Variants in YY1AP1 observed in about 807,000 individuals in gnomAD.
The protein encoded by YY1AP1 is YY1-associated protein 1.
In YY1AP1, 43 loss-of-function variants were observed where a neutral mutation model predicts 39.9. The ratio of observed to expected loss-of-function variants is 1.08; its 90% CI spans 0.84 to 1.39. The LOEUF (loss-of-function observed/expected upper bound fraction) is 1.39, where lower values mean the gene tolerates loss of function less well. YY1AP1 is among the 40% of genes most tolerant of loss of function. The pLI is 0.00. For missense variants in YY1AP1, 813 were observed against 900.7 expected (o/e 0.90, Z 1.25); for synonymous variants, 292 against 331.3 (o/e 0.88, Z 1.29).
At position 155,660,676 on chromosome 1, in the gene YY1AP1, G is replaced by A. The variant is rs1450007320; in HGVS notation, c.1234C>T (p.Leu412=). 1.2e-6 allele frequency: 2 copies of A among 1,614,230 alleles called. No individual in the cohort carries two copies. Among genetic ancestry groups the A allele is most frequent in the South Asian group, 2.2e-5 (2 of 91,082 alleles). Residue 412 remains leucine (L), a synonymous_variant, in exon 11 of 11, where the codon CTG becomes TTG. Transcript: ENST00000355499. ...CTGGGTTGGATAAGGAGGGGTTTCAGGACTGATGAACGCTTCTGTCTCCAA... is the reference window on the plus strand; with the variant it reads ...CTGGGTTGGATAAGGAGGGGTTTCAAGACTGATGAACGCTTCTGTCTCCAA... The part of the protein sequence containing the change: ...KAWRQKRSSV[L]KPLLIQPSPS...
In YY1AP1 at chr1:155,660,355, A is replaced by C. The variant is rs1647867187; in HGVS notation, c.1555T>G (p.Ser519Ala). ...PKVMMPSPAS[S>A]MFRKPYVRRR... ...CTCACATATGGCTTTCGAAACATGGAAGAGGCAGGGGAGGGCATCATTACC... is the reference window on the plus strand; with the variant it reads ...CTCACATATGGCTTTCGAAACATGGCAGAGGCAGGGGAGGGCATCATTACC... The change falls in exon 11 of 11, where the codon TCC becomes GCC. Residue 519 changes from serine to alanine, a missense_variant. Coordinates refer to ENST00000355499, the MANE Select transcript of YY1AP1 (RefSeq NM_139119.3). 3 of 1,614,124 alleles carry C rather than the reference A, an allele frequency of 1.9e-6. No homozygotes were observed. The highest frequency in any genetic ancestry group is 2.5e-6 in the Non-Finnish European group (3 of 1,180,016).
intron 2 of YY1AP1, among the ~76,000 whole-genome samples, chr1:155,684,295 T>C (rs1235337700): frequency 1.3e-5 from 2 of 152,012 alleles, no homozygotes; most frequent in Non-Finnish European, 2.9e-5. Context: ...CTAATCTCAA[T>C]TAAAAAAATA....
At chr1:155,670,670 G>T in intron 7 of YY1AP1, 56 of 436,858 alleles carry the variant, frequency 1.3e-4, no homozygotes, top group Middle Eastern at 6.7e-4. Context: ...GGCAATAAAA[G>T]TTGACTTTTT....
chr1:155,674,897 A>G, intron 6 of YY1AP1, 113 bp downstream of exon 6: 1 of 897,214 alleles, frequency 1.1e-6, no homozygotes, highest in Non-Finnish European at 1.8e-6. Flanking sequence ...TTCACTCAGC[A>G]AACATAGGAA....
At chr1:155,674,904 G>A (rs1340465330) in intron 6 of YY1AP1, 106 bp downstream of exon 6, 2 of 949,966 alleles carry the variant, frequency 2.1e-6, no homozygotes, top group Admixed American at 2.2e-5. Context: ...AGCAAACATA[G>A]GAAGCCACAG....
intron 4 of YY1AP1, among the ~76,000 whole-genome samples, chr1:155,678,073 G>A (rs983296482): frequency 2.0e-5 from 3 of 152,284 alleles, no homozygotes; most frequent in Non-Finnish European, 4.4e-5. Flanking sequence ...AGTCAATAAC[G>A]AACCACATAG....
intron 9 of YY1AP1, among the ~76,000 whole-genome samples, chr1:155,667,753 C>T (rs1649227025): frequency 6.6e-6 from 1 of 151,806 alleles, no homozygotes; most frequent in South Asian, 2.1e-4. Context: ...ACCCAGGAGG[C>T]AGAGGTTGCA....
At position 155,666,255 on chromosome 1, in the gene YY1AP1, G is replaced by A. The variant is rs188856844; in HGVS notation, c.879+2372C>T. 3.3e-3 allele frequency among the ~76,000 whole-genome samples: 501 copies of A among 152,044 alleles called. 3 individuals are homozygous for A. The highest frequency in any genetic ancestry group is 0.012 in the African/African-American group (483 of 41,476). Reference sequence around the variant, plus strand: ...TCCTGCCTCAGCCTCCCGAGTAGCTGGGACTACAGGCGCCCGCCACCACGC... The same window carrying A: ...TCCTGCCTCAGCCTCCCGAGTAGCTAGGACTACAGGCGCCCGCCACCACGC... On this transcript the variant is annotated intron_variant, in intron 9 of 10. Coordinates refer to ENST00000355499, the MANE Select transcript of YY1AP1 (RefSeq NM_139119.3).
intron 7 of YY1AP1, 36 bp from the exon 8 acceptor site, chr1:155,670,500 A>G (rs1465907063): frequency 1.9e-6 from 3 of 1,611,702 alleles, no homozygotes; most frequent in Admixed American, 1.7e-5. Flanking sequence ...ATCAACTTCT[A>G]GGAAAAAAGA....
intron 9 of YY1AP1, among the ~76,000 whole-genome samples, chr1:155,661,765 C>A (rs990357493): frequency 1.3e-5 from 2 of 152,194 alleles, no homozygotes; most frequent in African/African-American, 4.8e-5. Context: ...ACGCCATTCT[C>A]CTGCCTCAGC....
Position 155,660,410 on chromosome 1 carries a change from C to G in YY1AP1, c.1500G>C (p.Gln500His), listed in dbSNP as rs760073405. ...GCACAGGGGCAGAAGAGAGCAAAGT[C>G]TGGGACTCAGACAGAGGGAAGCTTG... ...ARTSFPLSES[Q>H]TLLSSAPVPK... The change falls in exon 11 of 11, where the codon CAG becomes CAC. Residue 500 changes from glutamine to histidine, a missense_variant. Gln to His is a conservative substitution (Grantham distance 24). This residue lies in a region of YY1AP1 where 586 missense variants were observed against 647.4 expected (regional missense o/e 0.91). Transcript: ENST00000355499. 1 of 1,614,156 alleles carries G rather than the reference C, an allele frequency of 6.2e-7. No individual in the cohort carries two copies. The highest frequency in any genetic ancestry group is 1.7e-5 in the Admixed American group (1 of 60,020).
At chr1:155,673,374 T>G (rs1425557166) in intron 6 of YY1AP1, among the ~76,000 whole-genome samples, 1 of 152,156 alleles carries the variant, frequency 6.6e-6, no homozygotes, top group Non-Finnish European at 1.5e-5. Context: ...TACAACCAAG[T>G]ACTCCTCATC....
chr1:155,662,362 G>C (rs1020380022), intron 9 of YY1AP1, among the ~76,000 whole-genome samples: 8 of 151,502 alleles, frequency 5.3e-5, no homozygotes, highest in Non-Finnish European at 1.0e-4. Context: ...GTGGTGGTGG[G>C]TGCCTGTAAT....
At chr1:155,668,968 A>T (rs1649462709) in intron 8 of YY1AP1, among the ~76,000 whole-genome samples, 191 bp from the exon 9 acceptor site, 1 of 152,174 alleles carries the variant, frequency 6.6e-6, no homozygotes, top group African/African-American at 2.4e-5. Context: ...AGCTGAAGCG[A>T]TTCTCCAGTC....
At chr1:155,680,290 C>G (rs1342296799) in intron 3 of YY1AP1, 126 bp downstream of exon 3, 2 of 1,041,388 alleles carry the variant, frequency 1.9e-6, no homozygotes, top group Non-Finnish European at 2.8e-6. Context: ...TATTCTTTCC[C>G]AGGTAGACTA....
rs1392522162 is a variant in YY1AP1, at chr1:155,688,612, C to T, written c.-152+47G>A. The T allele has an allele frequency of 9.8e-6, 15 of 1,534,994 alleles. No individual in the cohort carries two copies. In the East Asian group the frequency reaches 3.4e-4, roughly 35 times the overall value. ...ACCTCCTCGCCCAGTTCTCCACTCC[C>T]CCTCAGACCCTGTCAAGCCGGCTCC... On this transcript the variant is annotated intron_variant, in intron 1 of 10. Coordinates refer to ENST00000355499, the MANE Select transcript of YY1AP1 (RefSeq NM_139119.3).
chr1:155,663,703 A>G (rs918565152), intron 9 of YY1AP1, among the ~76,000 whole-genome samples: 4 of 152,188 alleles, frequency 2.6e-5, no homozygotes, highest in African/African-American at 9.7e-5. Context: ...TGGGCAATGG[A>G]GCGAGACTCT....
intron 9 of YY1AP1, among the ~76,000 whole-genome samples, chr1:155,663,979 A>G (rs1042881255): frequency 1.3e-5 from 2 of 150,706 alleles, no homozygotes; most frequent in Non-Finnish European, 2.9e-5. Context: ...GTTTGAGACC[A>G]GCCTGGCCAA....
At chr1:155,663,837 A>G (rs997917922) in intron 9 of YY1AP1, among the ~76,000 whole-genome samples, 1 of 152,166 alleles carries the variant, frequency 6.6e-6, no homozygotes, top group African/African-American at 2.4e-5. Flanking sequence ...CAAAGGAAAA[A>G]TCCTGCATGC....
Sources: gnomAD v4.1 joint callset for allele counts (sites outside exome capture counted in the v4.1 genomes callset) on GRCh38, gnomAD v4.1.1 for gene constraint, gnomAD v4.1.1 regional missense constraint, MANE v1.5 for transcripts, NCBI Gene and HGNC (gene_info 2026-07-23, HGNC 2026-07-21) for gene names.